The following TGFBR1 variants were observed in gnomAD, a reference collection of about 807,000 sequenced individuals.
TGFBR1 encodes the protein transforming growth factor beta receptor 1, also known as TGF-beta receptor type-1.
A neutral mutation model predicts 55.1 loss-of-function variants in TGFBR1; 20 were observed. The observed-to-expected ratio is 0.36, with a 90% confidence interval of 0.26 to 0.53. The LOEUF is 0.53. Ranked by LOEUF, TGFBR1 falls within the 20% of genes least tolerant of loss-of-function variation. The probability of loss-of-function intolerance (pLI) is 0.91; values close to 1 mark genes in which losing one functional copy is unlikely to be tolerated. For missense variants in TGFBR1, 385 were observed against 617.6 expected (o/e 0.62, Z 3.99); for synonymous variants, 220 against 214.8 (o/e 1.02, Z -0.21).
intron 3 of TGFBR1, among the ~76,000 whole-genome samples, chr9:99,133,044 A>G (rs1827296472): frequency 6.6e-6 from 1 of 152,230 alleles, no homozygotes; most frequent in African/African-American, 2.4e-5. Context: ...TAGAAAGGAT[A>G]AGAACAATTA....
At chr9:99,127,925 G>A (rs148567056) in intron 1 of TGFBR1, 126 of 456,006 alleles carry the variant, frequency 2.8e-4, no homozygotes, top group African/African-American at 2.2e-3. Flanking sequence ...CAGATTGACA[G>A]AAATGACTAA....
In TGFBR1 at chr9:99,149,293, C is replaced by T. The variant is rs2118860224; in HGVS notation, c.1500C>T (p.Gly500=). 1 of 1,613,748 alleles carries T rather than the reference C, an allele frequency of 6.2e-7. No individual in the cohort carries two copies. The highest frequency in any genetic ancestry group is 8.5e-7 in the Non-Finnish European group (1 of 1,179,782). ...TATCGCAACTCAGTCAACAGGAAGG[C>T]ATCAAAATGTAATTCTACAGCTTTG... ...KTLSQLSQQE[G]IKM is the part of the protein sequence containing the mutation. The change falls in exon 9 of 9, where the codon GGC becomes GGT. Residue 500 remains glycine (G), a synonymous_variant. Coordinates refer to ENST00000374994, the MANE Select transcript of TGFBR1 (RefSeq NM_004612.4).
intron 1 of TGFBR1, among the ~76,000 whole-genome samples, chr9:99,111,035 A>G (rs546766932): frequency 6.6e-6 from 1 of 152,056 alleles, no homozygotes; most frequent in East Asian, 1.9e-4. Context: ...CCTTGATTAC[A>G]GTTTTACTAT....
At chr9:99,114,352 A>C (rs1261189792) in intron 1 of TGFBR1, among the ~76,000 whole-genome samples, 1 of 152,234 alleles carries the variant, frequency 6.6e-6, no homozygotes, top group Non-Finnish European at 1.5e-5. Context: ...AAGGCAAGTA[A>C]GGAAGACTGA....
intron 3 of TGFBR1, among the ~76,000 whole-genome samples, chr9:99,133,463 TCTTTTA>T (rs934346777): frequency 6.6e-6 from 1 of 152,220 alleles, no homozygotes; most frequent in Non-Finnish European, 1.5e-5. Flanking sequence ...AAGGGGGTTA[TCTTTTA>T]CTTTTTCTTG....
rs1170998539 is a variant in TGFBR1 at position 99,105,203 on chromosome 9, A to G, written c.-3A>G. On this transcript the variant is annotated 5_prime_UTR_variant, in exon 1 of 9. Transcript: ENST00000374994. The stretch of plus-strand genomic sequence containing the variant: ...CCGGGCCACAGGCGGTGGCGGCGGG[A>G]CCATGGAGGCGGCGGTCGCTGCTCC... 1.2e-5 allele frequency: 13 copies of G among 1,076,884 alleles called. No individual in the cohort carries two copies. Among genetic ancestry groups the G allele is most frequent in the South Asian group, 8.8e-5 (2 of 22,826 alleles). 66.7% of individuals were successfully genotyped at this position (1,076,884 alleles called of 1,614,324 possible).
chr9:99,142,156 C>G (rs1233478092), intron 4 of TGFBR1, among the ~76,000 whole-genome samples: 3 of 151,970 alleles, frequency 2.0e-5, no homozygotes, highest in Non-Finnish European at 2.9e-5. Context: ...CTGTTCCTTC[C>G]TTTTTTTTAA....
Position 99,129,109 on chromosome 9 carries a change from T to C in TGFBR1, c.343+9T>C. 1 of 1,613,634 alleles carries C rather than the reference T, an allele frequency of 6.2e-7. No individual in the cohort carries two copies. The highest frequency in any genetic ancestry group is 1.3e-5 in the African/African-American group (1 of 75,042). ...AGAACTTCCAACTACTGGTAAGTTG[T>C]ATAAAATTTTTTTCCTAGATACTAC... On this transcript the variant is annotated intron_variant, in intron 2 of 8. Coordinates refer to ENST00000374994, the MANE Select transcript of TGFBR1 (RefSeq NM_004612.4).
chr9:99,136,583 G>A (rs566182265), intron 3 of TGFBR1, among the ~76,000 whole-genome samples: 1 of 152,246 alleles, frequency 6.6e-6, no homozygotes, highest in South Asian at 2.1e-4. Context: ...TGACAGATCT[G>A]TTTCTAACTA....
In TGFBR1 at chr9:99,133,959, G is replaced by A. The variant is rs555663416; in HGVS notation, c.574+1220G>A. Among the ~76,000 whole-genome samples, 8 of 144,108 alleles carry A rather than the reference G, an allele frequency of 5.6e-5. No individual in the cohort carries two copies. In the South Asian group the frequency reaches 1.3e-3, roughly 23 times the overall value. The allele number at this position is 144,108 out of a possible 152,430, so 94.5% of individuals were successfully genotyped here. ...GTGGAGGTTGCAGTTAGCTGAGATC[G>A]CACCACTGCACTCCAGCCTGGGAAA... On this transcript the variant is annotated intron_variant, in intron 3 of 8. Transcript: ENST00000374994.
chr9:99,151,400 T>G lies in TGFBR1; in HGVS notation c.*2095T>G, dbSNP rs201780012. On this transcript the variant is annotated 3_prime_UTR_variant, in exon 9 of 9. Coordinates refer to ENST00000374994, the MANE Select transcript of TGFBR1 (RefSeq NM_004612.4). The stretch of plus-strand genomic sequence containing the variant: ...TTTTTGTGGGGGTTTTTTTTTTGTT[T>G]TTTTTTTTTTGTTGTTGTTTTTGGG... 4.2e-4 allele frequency: 90 copies of G among 213,444 alleles called. 1 individual carries two copies. The highest frequency in any genetic ancestry group is 1.3e-3 in the Middle Eastern group (1 of 746). 13.2% of individuals were successfully genotyped at this position (213,444 alleles called of 1,614,324 possible). A position where few individuals can be genotyped will look rare whatever the true frequency, so the allele number is the denominator to read the frequency against.
At chr9:99,111,243 G>GA (rs919625095) in intron 1 of TGFBR1, among the ~76,000 whole-genome samples, 5 of 135,138 alleles carry the variant, frequency 3.7e-5, no homozygotes, top group African/African-American at 1.4e-4. Context: ...TTAGAGAAAG[G>GA]AAAAAAACCA....
chr9:99,105,441 T>G, intron 1 of TGFBR1, 139 bp downstream of exon 1: 3 of 727,434 alleles, frequency 4.1e-6, no homozygotes, highest in Non-Finnish European at 5.0e-6. Flanking sequence ...CGGGCTCTCG[T>G]GGCGCCGCGC....
intron 1 of TGFBR1, among the ~76,000 whole-genome samples, chr9:99,125,023 A>C (rs570940885): frequency 4.6e-5 from 7 of 152,346 alleles, no homozygotes; most frequent in South Asian, 2.1e-4. Flanking sequence ...ACAAAAAAAA[A>C]CAAAATTCAA....
chr9:99,128,441 A>T (rs921152381), intron 1 of TGFBR1, among the ~76,000 whole-genome samples: 1 of 150,972 alleles, frequency 6.6e-6, no homozygotes, highest in Non-Finnish European at 1.5e-5. Flanking sequence ...TGCTTCTCAA[A>T]GGAGGAGTAT....
chr9:99,106,323 G>T (rs1403058289), intron 1 of TGFBR1, among the ~76,000 whole-genome samples: 3 of 152,150 alleles, frequency 2.0e-5, no homozygotes, highest in Non-Finnish European at 4.4e-5. Flanking sequence ...GAAAAACTTC[G>T]TTAGCAGCTG....
At chr9:99,106,013 GC>G (rs1225249336) in intron 1 of TGFBR1, among the ~76,000 whole-genome samples, 2 of 152,244 alleles carry the variant, frequency 1.3e-5, no homozygotes, top group Admixed American at 6.5e-5. Flanking sequence ...CTTCTTTCGT[GC>G]GTCTGGGGAG....
At chr9:99,129,128 A>G (rs577681322) in intron 2 of TGFBR1, 28 bp downstream of exon 2, 4 of 1,610,316 alleles carry the variant, frequency 2.5e-6, no homozygotes, top group Admixed American at 3.3e-5. Flanking sequence ...TTTTTCCTAG[A>G]TACTACAAGA....
At chr9:99,137,219 G>A (rs773974728) in intron 3 of TGFBR1, among the ~76,000 whole-genome samples, 1 of 152,088 alleles carries the variant, frequency 6.6e-6, no homozygotes, top group Non-Finnish European at 1.5e-5. Context: ...AGTTTCTGTG[G>A]TGATTTTTAC....
Sources: gnomAD v4.1 joint callset for allele counts (sites outside exome capture counted in the v4.1 genomes callset) on GRCh38, gnomAD v4.1.1 for gene constraint, MANE v1.5 for transcripts, NCBI Gene and HGNC (gene_info 2026-07-23, HGNC 2026-07-21) for gene names.